RARB: variants seen among roughly 807,000 people sequenced by gnomAD.
The protein encoded by RARB is retinoic acid receptor beta.
RARB carries 17 observed loss-of-function variants against 51.9 expected under a neutral mutation model. The observed-to-expected ratio is 0.33, with a 90% CI of 0.22 to 0.49. RARB has a LOEUF of 0.49. Among genes scored for constraint, RARB ranks in the 20% least tolerant of loss-of-function variants. The pLI, the probability that RARB is intolerant of heterozygous loss-of-function variation, is 0.99. For missense variants in RARB, 369 were observed against 550.8 expected, an observed-to-expected ratio of 0.67 and a Z score of 3.30; for synonymous variants, 215 against 195.4, an observed-to-expected ratio of 1.10 and a Z score of -0.84.
intron 2 of RARB, among the ~76,000 whole-genome samples, chr3:25,013,800 T>A (rs1370143656): frequency 1.3e-5 from 2 of 152,120 alleles, no homozygotes. Context: ...GACTAGTTTC[T>A]TCTCTCTATA....
intron 3 of RARB, among the ~76,000 whole-genome samples, chr3:25,100,923 G>A (rs1229277243): frequency 1.3e-5 from 2 of 152,080 alleles, no homozygotes; most frequent in African/African-American, 4.8e-5. Flanking sequence ...GACTCCTGTT[G>A]GCTCTTAGCC....
At chr3:24,883,148 T>TA (rs1703201604) in intron 2 of RARB, among the ~76,000 whole-genome samples, 1 of 152,148 alleles carries the variant, frequency 6.6e-6, no homozygotes. Context: ...AAATCTGTTT[T>TA]AAAAAATCCC....
intron 1 of RARB, among the ~76,000 whole-genome samples, chr3:24,850,650 T>A (rs1702543566): frequency 6.6e-6 from 1 of 152,182 alleles, no homozygotes; most frequent in Admixed American, 6.5e-5. Flanking sequence ...TTGCTATTAC[T>A]CCTGATGGGG....
chr3:25,171,643 T>TTAAAAAAAAAAAAAA (rs1553639737), intron 4 of RARB, among the ~76,000 whole-genome samples: 2 of 45,462 alleles, frequency 4.4e-5, no homozygotes, highest in African/African-American at 8.2e-5. Context: ...CCCTGGTTGG[T>TTAAAAAAAAAAAAAA]AAAAAAAAAA....
At position 25,246,527 on chromosome 3, in the gene RARB, T is replaced by C. The variant is rs544918043; in HGVS notation, c.178+71952T>C. ...TGCATGGTTGTCCTTTTTGTTGATA[T>C]TGTTGCTATTCCTTTCTGTTTGTTA... On this transcript the variant is annotated intron_variant, in intron 5 of 11. Transcript: ENST00000383772. Among the ~76,000 whole-genome samples the C allele has an allele frequency of 3.3e-5, 5 of 152,282 alleles. No individual in the cohort carries two copies. In the South Asian group the frequency reaches 6.2e-4, roughly 19 times the overall value.
intron 2 of RARB, among the ~76,000 whole-genome samples, chr3:25,465,861 T>C (rs1384333565): frequency 6.6e-6 from 1 of 152,160 alleles, no homozygotes; most frequent in Non-Finnish European, 1.5e-5. Flanking sequence ...TAAAATAATG[T>C]CTTTGGAAAA....
chr3:24,939,056 C>T (rs1372895294), intron 2 of RARB, among the ~76,000 whole-genome samples: 3 of 151,852 alleles, frequency 2.0e-5, no homozygotes, highest in African/African-American at 7.3e-5. Context: ...GGTCTCAGCT[C>T]ACTGCAACCT....
intron 2 of RARB, among the ~76,000 whole-genome samples, chr3:24,917,118 T>C (rs1695123545): frequency 6.6e-6 from 1 of 152,150 alleles, no homozygotes; most frequent in African/African-American, 2.4e-5. Flanking sequence ...TATAATGAAG[T>C]CTTGGGGTAT....
intron 2 of RARB, among the ~76,000 whole-genome samples, chr3:24,956,363 T>G (rs1018699044): frequency 6.6e-6 from 1 of 152,188 alleles, no homozygotes; most frequent in Admixed American, 6.5e-5. Context: ...ATATATACCA[T>G]GTACTCAACA....
chr3:25,559,728 AG>A (rs1700197311), intron 3 of RARB, among the ~76,000 whole-genome samples: 1 of 152,166 alleles, frequency 6.6e-6, no homozygotes, highest in Non-Finnish European at 1.5e-5. Context: ...GAATGGACAG[AG>A]ATAGATAGAC....
intron 3 of RARB, among the ~76,000 whole-genome samples, chr3:25,081,767 G>T (rs1482032832): frequency 1.3e-5 from 2 of 148,254 alleles, no homozygotes; most frequent in African/African-American, 5.0e-5. Flanking sequence ...TGAGTAGCTG[G>T]GATTACAGGT....
At chr3:25,507,472 G>T (rs1347342883) in intron 3 of RARB, among the ~76,000 whole-genome samples, 1 of 152,192 alleles carries the variant, frequency 6.6e-6, no homozygotes, top group Admixed American at 6.5e-5. Context: ...CAGCCCAGGC[G>T]TGACATGAGA....
At chr3:24,886,874 G>T (rs894694957) in intron 2 of RARB, among the ~76,000 whole-genome samples, 1 of 152,148 alleles carries the variant, frequency 6.6e-6, no homozygotes, top group Non-Finnish European at 1.5e-5. Flanking sequence ...AAGCTTTTAG[G>T]GTCCACAATG....
Position 25,413,861 on chromosome 3 carries a change from A to G in RARB, c.179-47332A>G, listed in dbSNP as rs117502182. On this transcript the variant is annotated intron_variant, in intron 5 of 11. Transcript: ENST00000383772. ...GTCTGTAGCACACTGGTTGTTAAAT[A>G]TTTTGCTCAATACTATTTTCCATGA... 6.4e-4 allele frequency among the ~76,000 whole-genome samples: 97 copies of G among 152,242 alleles called. 1 individual carries two copies. The East Asian group carries it at 0.015, about 23-fold the overall frequency.
At chr3:24,977,567 G>A (rs545695859) in intron 2 of RARB, among the ~76,000 whole-genome samples, 3 of 152,108 alleles carry the variant, frequency 2.0e-5, no homozygotes. Context: ...CTGTTGGTCT[G>A]TTATTGGTGT....
intron 4 of RARB, among the ~76,000 whole-genome samples, chr3:25,163,860 G>A (rs1282886027): frequency 2.0e-5 from 3 of 152,158 alleles, no homozygotes; most frequent in Non-Finnish European, 4.4e-5. Context: ...TAAAGGTAGT[G>A]GGGAATGAAA....
At chr3:25,261,956 C>CA (rs1183950158) in intron 5 of RARB, among the ~76,000 whole-genome samples, 6 of 152,262 alleles carry the variant, frequency 3.9e-5, no homozygotes, top group African/African-American at 1.4e-4. Context: ...CTGCCCTCTC[C>CA]AAACCCATCC....
intron 5 of RARB, among the ~76,000 whole-genome samples, chr3:25,211,631 T>C (rs1701699724): frequency 6.6e-6 from 1 of 152,236 alleles, no homozygotes; most frequent in South Asian, 2.1e-4. Context: ...GTAAACTTTA[T>C]TATTTTTATC....
intron 5 of RARB, among the ~76,000 whole-genome samples, chr3:25,355,464 T>G (rs148571346): frequency 4.6e-5 from 7 of 152,298 alleles, no homozygotes; most frequent in Non-Finnish European, 1.0e-4. Context: ...TCATAGCCCC[T>G]TAGCCTCTTC....
Sources: gnomAD v4.1 joint callset for allele counts (sites outside exome capture counted in the v4.1 genomes callset) on GRCh38, gnomAD v4.1.1 for gene constraint, MANE v1.5 for transcripts, NCBI Gene and HGNC (gene_info 2026-07-23, HGNC 2026-07-21) for gene names.